GPC5: variants seen among roughly 807,000 people sequenced by gnomAD.
GPC5 encodes the protein glypican 5.
GPC5 carries 47 observed loss-of-function variants against 53.9 expected under a neutral mutation model. The observed-to-expected ratio is 0.87, with a 90% CI of 0.69 to 1.11. GPC5 has a LOEUF of 1.11. GPC5 is among the 50% of genes most tolerant of loss of function. GPC5 has a pLI of 0.00. For missense variants in GPC5, 748 were observed against 713.1 expected, an observed-to-expected ratio of 1.05 and a Z score of -0.56; for synonymous variants, 286 against 263.3, an observed-to-expected ratio of 1.09 and a Z score of -0.84.
At chr13:91,612,050 T>C (rs1399212181) in intron 2 of GPC5, among the ~76,000 whole-genome samples, 1 of 152,216 alleles carries the variant, frequency 6.6e-6, no homozygotes, top group African/African-American at 2.4e-5. Context: ...CTATCTGTTA[T>C]TCAGTCATTT....
intron 7 of GPC5, among the ~76,000 whole-genome samples, chr13:92,785,127 T>G (rs569035537): frequency 3.3e-4 from 50 of 152,004 alleles, no homozygotes; most frequent in African/African-American, 1.2e-3. Context: ...AATACAAAAA[T>G]TAGTTGCGCA....
intron 7 of GPC5, among the ~76,000 whole-genome samples, chr13:92,847,508 A>T (rs188042088): frequency 1.3e-5 from 2 of 150,866 alleles, no homozygotes; most frequent in East Asian, 3.9e-4. Flanking sequence ...GTCCCCCTTC[A>T]CTCTCTTCTT....
At chr13:91,558,845 G>C (rs972449892) in intron 2 of GPC5, among the ~76,000 whole-genome samples, 1 of 152,024 alleles carries the variant, frequency 6.6e-6, no homozygotes, top group African/African-American at 2.4e-5. Context: ...TCATGAGGGG[G>C]TTGGACTTCC....
intron 7 of GPC5, among the ~76,000 whole-genome samples, chr13:92,761,477 A>G (rs1251732306): frequency 3.3e-5 from 5 of 152,178 alleles, no homozygotes; most frequent in Non-Finnish European, 5.9e-5. Flanking sequence ...CAAAGAAATC[A>G]TTACCTATTT....
chr13:92,616,192 G>A (rs1271364820), intron 7 of GPC5, among the ~76,000 whole-genome samples: 1 of 152,166 alleles, frequency 6.6e-6, no homozygotes, highest in East Asian at 1.9e-4. Flanking sequence ...AATCTAGAGG[G>A]ATAGTGAGAT....
chr13:92,031,934 T>C (rs2040854741), intron 6 of GPC5, among the ~76,000 whole-genome samples: 1 of 119,776 alleles, frequency 8.3e-6, no homozygotes, highest in Non-Finnish European at 1.6e-5. Flanking sequence ...GTATTTTATA[T>C]ATTACATAGT....
chr13:92,241,760 A>G lies in GPC5; in HGVS notation c.1561+96771A>G, dbSNP rs555590381. The G allele has an allele frequency of 1.8e-4, 28 of 152,286 alleles. No individual in the cohort carries two copies. The South Asian group carries it at 5.0e-3, about 27-fold the overall frequency. The allele number at this position is 152,286 out of a possible 1,614,324, so 9.4% of individuals were successfully genotyped here. On this transcript the variant is annotated intron_variant, in intron 7 of 7. Transcript: ENST00000377067. ...TTCATCTAAAAGTAGAGAGGTTTTA[A>G]AAATCGACTTGAAAATATTCTTAGG...
intron 7 of GPC5, among the ~76,000 whole-genome samples, chr13:92,434,874 C>A (rs1014217461): frequency 4.6e-5 from 7 of 152,110 alleles, no homozygotes; most frequent in Non-Finnish European, 1.0e-4. Flanking sequence ...ATAACAGATA[C>A]AATGCGTTTT....
At chr13:92,446,250 G>C (rs1877820775) in intron 7 of GPC5, among the ~76,000 whole-genome samples, 1 of 149,526 alleles carries the variant, frequency 6.7e-6, no homozygotes, top group Admixed American at 6.7e-5. Flanking sequence ...TAACCCCCTG[G>C]TACCCTTCCC....
rs533650682 is a variant in GPC5 at position 91,641,360 on chromosome 13, A to G, written c.326-51827A>G. 4.6e-5 allele frequency among the ~76,000 whole-genome samples: 7 copies of G among 151,652 alleles called. No homozygotes were observed. The East Asian group carries it at 1.4e-3, about 30-fold the overall frequency. On this transcript the variant is annotated intron_variant, in intron 2 of 7. Coordinates refer to ENST00000377067, the MANE Select transcript of GPC5 (RefSeq NM_004466.6). Reference sequence around the variant, plus strand: ...AATCAAAACAAAACAAAACAAACAAACCAAAAAAACCAAACACTGCATGTT... The same window carrying G: ...AATCAAAACAAAACAAAACAAACAAGCCAAAAAAACCAAACACTGCATGTT...
intron 7 of GPC5, among the ~76,000 whole-genome samples, chr13:92,159,013 A>C (rs924019482): frequency 2.0e-5 from 3 of 152,150 alleles, no homozygotes; most frequent in African/African-American, 7.2e-5. Context: ...CACATGTTCT[A>C]TGATTCTGAA....
chr13:92,681,375 T>C (rs1309803056), intron 7 of GPC5, among the ~76,000 whole-genome samples: 1 of 151,362 alleles, frequency 6.6e-6, no homozygotes, highest in Non-Finnish European at 1.5e-5. Flanking sequence ...CCCAACCCAA[T>C]CTCTCTTCCT....
intron 7 of GPC5, among the ~76,000 whole-genome samples, chr13:92,755,098 A>G (rs1164744667): frequency 6.6e-6 from 1 of 150,456 alleles, no homozygotes; most frequent in Admixed American, 6.7e-5. Context: ...TCCTCAGCAA[A>G]TGTAAAAGAA....
intron 2 of GPC5, among the ~76,000 whole-genome samples, chr13:91,583,535 G>C (rs2032449398): frequency 6.6e-6 from 1 of 152,062 alleles, no homozygotes; most frequent in Admixed American, 6.5e-5. Flanking sequence ...TCCTACATGG[G>C]AAAGGTGAAA....
intron 2 of GPC5, among the ~76,000 whole-genome samples, chr13:91,592,424 C>T (rs2032834598): frequency 6.6e-6 from 1 of 152,176 alleles, no homozygotes; most frequent in African/African-American, 2.4e-5. Flanking sequence ...GCCTGCATTT[C>T]TTTTGTGAGG....
At chr13:91,702,687 A>G (rs1276097988) in intron 3 of GPC5, among the ~76,000 whole-genome samples, 1 of 152,044 alleles carries the variant, frequency 6.6e-6, no homozygotes, top group Non-Finnish European at 1.5e-5. Flanking sequence ...TTTCATTGGT[A>G]CTTTGATAGA....
rs1035775888 is a variant in GPC5, at chr13:91,442,877, A to G, written c.164-5884A>G. On this transcript the variant is annotated intron_variant, in intron 1 of 7. Transcript: ENST00000377067. Reference sequence around the variant, plus strand: ...AAGTTTATTATTTCTCTTATTGTTTATTATGAAAGGAGGCTTCTCCCATCT... The same window carrying G: ...AAGTTTATTATTTCTCTTATTGTTTGTTATGAAAGGAGGCTTCTCCCATCT... 7.2e-5 allele frequency among the ~76,000 whole-genome samples: 11 copies of G among 152,188 alleles called. No homozygotes were observed. The East Asian group carries it at 9.6e-4, about 13-fold the overall frequency.
In GPC5 at chr13:92,866,553, T is replaced by G. The variant is rs899906529; in HGVS notation, c.*114T>G. 9.7e-5 allele frequency: 88 copies of G among 904,864 alleles called. 1 individual carries two copies. The African/African-American group carries it at 1.4e-3, about 15-fold the overall frequency. The allele number at this position is 904,864 out of a possible 1,614,324, so 56.1% of individuals were successfully genotyped here. ...TAACAATTATATTTATGAAAAGATA[T>G]GTTACACTAACTTCTCAGAAGCCAA... On this transcript the variant is annotated 3_prime_UTR_variant, in exon 8 of 8. Transcript: ENST00000377067.
chr13:92,124,748 A>T (rs550139223), intron 6 of GPC5, among the ~76,000 whole-genome samples: 89 of 152,300 alleles, frequency 5.8e-4, no homozygotes, highest in Non-Finnish European at 6.3e-4. Context: ...GAAGAGCAGG[A>T]TAAAAAAAAA....
Sources: gnomAD v4.1 joint callset for allele counts (sites outside exome capture counted in the v4.1 genomes callset) on GRCh38, gnomAD v4.1.1 for gene constraint, MANE v1.5 for transcripts, NCBI Gene and HGNC (gene_info 2026-07-23, HGNC 2026-07-21) for gene names.